CYREN: variants seen among roughly 807,000 people sequenced by gnomAD.
CYREN encodes the protein cell cycle regulator of NHEJ.
Under a neutral mutation model 9.7 loss-of-function variants are expected in CYREN, and 7 were observed. The ratio of observed to expected loss-of-function variants is 0.72; its 90% CI spans 0.41 to 1.36. The LOEUF (loss-of-function observed/expected upper bound fraction) is 1.36, where lower values mean the gene tolerates loss of function less well. CYREN is among the 40% of genes most tolerant of loss of function. The pLI, the probability that CYREN is intolerant of heterozygous loss-of-function variation, is 0.01. For synonymous variants in CYREN, 76 were observed against 77.9 expected (o/e 0.98, Z 0.13); for missense variants, 215 against 198.1 (o/e 1.09, Z -0.51).
At chr7:135,095,363 A>G (rs1244872029) in intron 2 of CYREN, among the ~76,000 whole-genome samples, 1 of 152,206 alleles carries the variant, frequency 6.6e-6, no homozygotes, top group African/African-American at 2.4e-5. Context: ...AGCAAGAAAG[A>G]CAGATTCTAT....
intron 2 of CYREN, among the ~76,000 whole-genome samples, chr7:135,100,522 C>G (rs115922255): frequency 4.6e-5 from 7 of 152,044 alleles, no homozygotes; most frequent in African/African-American, 1.7e-4. Context: ...ACAGAGAGAC[C>G]ATGGTATATC....
At chr7:135,133,086 CA>C (rs1318666003) in intron 2 of CYREN, among the ~76,000 whole-genome samples, 2 of 152,064 alleles carry the variant, frequency 1.3e-5, no homozygotes, top group Non-Finnish European at 2.9e-5. Flanking sequence ...CACACACACA[CA>C]CACACACACA....
intron 2 of CYREN, among the ~76,000 whole-genome samples, chr7:135,099,690 T>C (rs1213942006): frequency 6.6e-6 from 1 of 152,100 alleles, no homozygotes; most frequent in Non-Finnish European, 1.5e-5. Context: ...TGGATAACCA[T>C]TGCTAATCAG....
intron 2 of CYREN, among the ~76,000 whole-genome samples, chr7:135,128,241 G>C (rs1374364189): frequency 8.0e-6 from 1 of 125,566 alleles, no homozygotes; most frequent in Admixed American, 9.9e-5. Context: ...GCAGTGAGCC[G>C]AGATGGCACC....
rs1830118540 is a variant in CYREN at position 135,166,160 on chromosome 7, C to G, written c.*451G>C. The G allele has an allele frequency of 6.5e-6, 1 of 154,010 alleles. No individual in the cohort carries two copies. The highest frequency in any genetic ancestry group is 1.4e-5 in the Non-Finnish European group (1 of 69,324). 9.5% of individuals were successfully genotyped at this position (154,010 alleles called of 1,614,324 possible). A position where few individuals can be genotyped will look rare whatever the true frequency, so the allele number is the denominator to read the frequency against. Reference sequence around the variant, plus strand: ...CTCATGATGGAAACTATTTTTGAAACAGGCTTCCTCCTTCAGGAGAGATCA... The same window carrying G: ...CTCATGATGGAAACTATTTTTGAAAGAGGCTTCCTCCTTCAGGAGAGATCA... On this transcript the variant is annotated 3_prime_UTR_variant, in exon 4 of 4. Coordinates refer to ENST00000393114, the MANE Select transcript of CYREN (RefSeq NM_024033.4).
intron 2 of CYREN, among the ~76,000 whole-genome samples, chr7:135,121,564 A>C (rs1236425712): frequency 6.6e-6 from 1 of 152,208 alleles, no homozygotes; most frequent in Non-Finnish European, 1.5e-5. Flanking sequence ...AAAAAAAAAA[A>C]AAACCTAAAC....
At chr7:135,157,181 G>C (rs1562924013) in intron 2 of CYREN, among the ~76,000 whole-genome samples, 1 of 152,122 alleles carries the variant, frequency 6.6e-6, no homozygotes, top group Non-Finnish European at 1.5e-5. Flanking sequence ...TGATTTCTTT[G>C]CGTCTGGTGT....
intron 2 of CYREN, among the ~76,000 whole-genome samples, chr7:135,122,408 G>A (rs779873133): frequency 3.3e-4 from 50 of 152,320 alleles, no homozygotes; most frequent in African/African-American, 1.1e-3. Flanking sequence ...AGCCCCTAGC[G>A]GGAGGGGTGA....
intron 2 of CYREN, among the ~76,000 whole-genome samples, chr7:135,160,128 C>T (rs1041661339): frequency 3.3e-5 from 5 of 152,060 alleles, no homozygotes; most frequent in African/African-American, 4.8e-5. Flanking sequence ...TTATGTAATC[C>T]CAACAGTGTA....
chr7:135,105,221 C>G (rs1308175577), intron 2 of CYREN, among the ~76,000 whole-genome samples: 1 of 152,080 alleles, frequency 6.6e-6, no homozygotes, highest in African/African-American at 2.4e-5. Flanking sequence ...AGGTGCCCAC[C>G]ACCACGTCTG....
intron 2 of CYREN, among the ~76,000 whole-genome samples, chr7:135,138,678 T>G (rs1318945975): frequency 6.6e-6 from 1 of 152,042 alleles, no homozygotes; most frequent in African/African-American, 2.4e-5. Flanking sequence ...GGTGTACAGA[T>G]TATTTCATCA....
chr7:135,107,042 G>A (rs967604675), intron 2 of CYREN, among the ~76,000 whole-genome samples: 1 of 151,892 alleles, frequency 6.6e-6, no homozygotes, highest in African/African-American at 2.4e-5. Flanking sequence ...TTTACTGTGG[G>A]GTTAGTGGTA....
chr7:135,134,870 A>C, intron 2 of CYREN: 1 of 1,550,264 alleles, frequency 6.5e-7, no homozygotes, highest in Non-Finnish European at 8.7e-7. Context: ...AGAAATATAA[A>C]GAAATACAGC....
chr7:135,145,781 C>G (rs1301479255), intron 2 of CYREN, among the ~76,000 whole-genome samples: 1 of 152,126 alleles, frequency 6.6e-6, no homozygotes, highest in African/African-American at 2.4e-5. Flanking sequence ...AGGTTCTGTT[C>G]CTGACCACTG....
chr7:135,115,827 T>C (rs1826241620), intron 2 of CYREN: 1 of 482,408 alleles, frequency 2.1e-6, no homozygotes, highest in Non-Finnish European at 3.7e-6. Context: ...ATTATTTGCA[T>C]GAAACTACTC....
At chr7:135,164,302 G>A (rs2117474618), downstream of CYREN, 1 of 818,482 alleles carries the variant, frequency 1.2e-6, no homozygotes, top group Admixed American at 2.6e-5. Flanking sequence ...GGAGGGCAGG[G>A]TAGGAGGGAA....
chr7:135,135,345 C>A, intron 2 of CYREN: 2 of 1,241,550 alleles, frequency 1.6e-6, no homozygotes, highest in South Asian at 2.2e-5. Flanking sequence ...AAGCCCTCCC[C>A]TTCCCCTTTC....
chr7:135,154,307 T>C (rs1303325103), intron 2 of CYREN, among the ~76,000 whole-genome samples: 6 of 152,212 alleles, frequency 3.9e-5, no homozygotes, highest in African/African-American at 1.4e-4. Context: ...AGAACTAATA[T>C]ATGAACTTTT....
intron 2 of CYREN, among the ~76,000 whole-genome samples, chr7:135,100,487 T>G (rs1307745013): frequency 6.6e-6 from 1 of 152,216 alleles, no homozygotes; most frequent in East Asian, 1.9e-4. Flanking sequence ...TAGGTAAGTA[T>G]TTGAGAACCA....
Sources: gnomAD v4.1 joint callset for allele counts (sites outside exome capture counted in the v4.1 genomes callset) on GRCh38, gnomAD v4.1.1 for gene constraint, MANE v1.5 for transcripts, NCBI Gene and HGNC (gene_info 2026-07-23, HGNC 2026-07-21) for gene names.